UPF2: variants seen among roughly 807,000 people sequenced by gnomAD.
The protein encoded by UPF2 is regulator of nonsense transcripts 2.
In UPF2, 17 loss-of-function variants were observed where a neutral mutation model predicts 141.4. The ratio of observed to expected loss-of-function variants is 0.12; its 90% CI spans 0.08 to 0.18. The LOEUF (loss-of-function observed/expected upper bound fraction) is 0.18. Among genes scored for constraint, UPF2 ranks in the 10% least tolerant of loss-of-function variants. UPF2 has a pLI of 1.00. For synonymous variants in UPF2, 540 were observed against 498.0 expected, an observed-to-expected ratio of 1.08 and a Z score of -1.12; for missense variants, 1,152 against 1,515.9, an observed-to-expected ratio of 0.76 and a Z score of 3.99.
At chr10:11,932,650 G>C (rs1210619514) in intron 19 of UPF2, among the ~76,000 whole-genome samples, 1 of 152,168 alleles carries the variant, frequency 6.6e-6, no homozygotes, top group Admixed American at 6.5e-5. Flanking sequence ...CTTTACTGCA[G>C]AGCTGCTAAG....
rs541967914 is a variant in UPF2, at chr10:11,989,786, C to T, written c.1844+7886G>A. Among the ~76,000 whole-genome samples, 21 of 152,306 alleles carry T rather than the reference C, an allele frequency of 1.4e-4. No individual in the cohort carries two copies. The Middle Eastern group carries it at 0.014, about 99-fold the overall frequency. The stretch of plus-strand genomic sequence containing the variant: ...TCTAGGACTAAGCTGAGTTCACACG[C>T]TTGTCTCCCATGCCACGGCCACCTA... On this transcript the variant is annotated intron_variant, in intron 8 of 21. Coordinates refer to ENST00000357604, the MANE Select transcript of UPF2 (RefSeq NM_015542.4).
chr10:11,982,345 C>G (rs913739042), intron 8 of UPF2, among the ~76,000 whole-genome samples: 3 of 152,132 alleles, frequency 2.0e-5, no homozygotes, highest in African/African-American at 7.2e-5. Context: ...CAGGTATAAA[C>G]TCTACAGCAG....
intron 16 of UPF2, among the ~76,000 whole-genome samples, chr10:11,944,436 G>A (rs982431071): frequency 6.6e-6 from 1 of 152,212 alleles, no homozygotes; most frequent in African/African-American, 2.4e-5. Context: ...AGAGGTTGCA[G>A]TGAGCCAAGG....
chr10:11,947,070 C>A (rs1172507498), intron 16 of UPF2, among the ~76,000 whole-genome samples: 1 of 152,192 alleles, frequency 6.6e-6, no homozygotes, highest in Non-Finnish European at 1.5e-5. Flanking sequence ...GGCATGGTGG[C>A]ACACACCTAA....
At chr10:11,983,166 C>A (rs1833627708) in intron 8 of UPF2, among the ~76,000 whole-genome samples, 1 of 152,108 alleles carries the variant, frequency 6.6e-6, no homozygotes, top group Non-Finnish European at 1.5e-5. Context: ...AGACATTCTT[C>A]CCCATATTAA....
intron 11 of UPF2, among the ~76,000 whole-genome samples, chr10:11,960,245 T>TA (rs1833217884): frequency 6.6e-6 from 1 of 152,108 alleles, no homozygotes; most frequent in Non-Finnish European, 1.5e-5. Context: ...ACTGAATAAT[T>TA]AAGTCATTTT....
chr10:11,947,431 TGTTTTGAA>T lies in UPF2; in HGVS notation c.3174+930_3174+937del, dbSNP rs879766177. ...CTCATTAATATCTAGCCAGTAATTT[TGTTTTGAA>T]GAGTATAAAATCCACTGACTAAAAA... On this transcript the variant is annotated intron_variant, in intron 16 of 21. Transcript: ENST00000357604. Among the ~76,000 whole-genome samples the T allele has an allele frequency of 6.4e-4, 98 of 152,282 alleles. 1 individual carries two copies. Among genetic ancestry groups the T allele is most frequent in the Admixed American group, 5.2e-3 (80 of 15,296 alleles).
At chr10:11,938,522 T>G (rs1832882124) in intron 18 of UPF2, among the ~76,000 whole-genome samples, 1 of 152,158 alleles carries the variant, frequency 6.6e-6, no homozygotes, top group African/African-American at 2.4e-5. Context: ...CCACACTGGA[T>G]ATTATCACTT....
At position 11,931,574 on chromosome 10, in the gene UPF2, CAA is replaced by C; in HGVS notation, c.3688+65_3688+66del. 2 of 1,462,618 alleles carry C rather than the reference CAA, an allele frequency of 1.4e-6. No homozygotes were observed. The highest frequency in any genetic ancestry group is 1.8e-6 in the Non-Finnish European group (2 of 1,102,930). 90.6% of individuals were successfully genotyped at this position (1,462,618 alleles called of 1,614,324 possible). The stretch of plus-strand genomic sequence containing the variant: ...AAAAATATGACATGAGAAGATGAGA[CAA>C]AATAACAATTTTGATGCTCAAAAGG... On this transcript the variant is annotated intron_variant, in intron 20 of 21. Transcript: ENST00000357604. This position sits in a 1 kb window ranked among gnomAD's most constrained non-coding sequence, Gnocchi z 5.9.
chr10:12,029,957 C>CAAAAAAAAAAA (rs113204207), intron 2 of UPF2, among the ~76,000 whole-genome samples: 1 of 71,196 alleles, frequency 1.4e-5, no homozygotes. Flanking sequence ...GACTCCGTCT[C>CAAAAAAAAAAA]AAAAAAAAAA....
intron 16 of UPF2, 128 bp from the exon 17 acceptor site, chr10:11,943,296 T>C (rs1832959637): frequency 1.1e-5 from 9 of 844,848 alleles, no homozygotes; most frequent in African/African-American, 3.4e-5. Flanking sequence ...CTTTAGGTAG[T>C]TGGTTTCCAA....
At chr10:11,934,466 A>G (rs568494033) in intron 19 of UPF2, among the ~76,000 whole-genome samples, 1 of 152,352 alleles carries the variant, frequency 6.6e-6, no homozygotes, top group Non-Finnish European at 1.5e-5. Context: ...GACTGGAGGC[A>G]AGGCCGGACG....
chr10:11,929,787 A>G (rs1832760160), intron 21 of UPF2, 78 bp downstream of exon 21: 3 of 1,539,144 alleles, frequency 1.9e-6, no homozygotes, highest in African/African-American at 1.4e-5. Context: ...GCCAAAAACT[A>G]TAATCCAGAA....
chr10:11,974,490 T>C (rs1050030665), intron 9 of UPF2, among the ~76,000 whole-genome samples: 2 of 152,214 alleles, frequency 1.3e-5, no homozygotes, highest in African/African-American at 4.8e-5. Flanking sequence ...TTTTTGCCCA[T>C]TCAGTATGAT....
intron 9 of UPF2, among the ~76,000 whole-genome samples, chr10:11,968,606 T>G (rs1169747425): frequency 3.3e-5 from 5 of 152,096 alleles, no homozygotes; most frequent in Admixed American, 6.5e-5. Flanking sequence ...CTGTTCTTTT[T>G]TATCACCAGT....
intron 5 of UPF2, among the ~76,000 whole-genome samples, chr10:12,002,436 A>T (rs1458181940): frequency 6.6e-6 from 1 of 152,220 alleles, no homozygotes; most frequent in East Asian, 1.9e-4. Context: ...GATGAGGGGG[A>T]AAAAAGGCTG....
intron 1 of UPF2, among the ~76,000 whole-genome samples, chr10:12,041,918 TC>T (rs1313387288): frequency 1.8e-4 from 28 of 152,100 alleles, no homozygotes; most frequent in African/African-American, 6.3e-4. Flanking sequence ...GAGCTGAAGG[TC>T]CGATCACCCC....
In UPF2 at chr10:11,952,381, CT is replaced by C. The variant is rs531074827; in HGVS notation, c.2851-133del. On this transcript the variant is annotated intron_variant, in intron 14 of 21. Transcript: ENST00000357604. Reference sequence around the variant, plus strand: ...AGGTTATAAAAGACACTTACCATTTCTATTAATGGTCAACAGCAATGATCCT... The same window carrying C: ...AGGTTATAAAAGACACTTACCATTTCATTAATGGTCAACAGCAATGATCCT... 3.2e-3 allele frequency: 2,158 copies of C among 670,094 alleles called. 3 individuals carry two copies. The highest frequency in any genetic ancestry group is 4.4e-3 in the Non-Finnish European group (1,923 of 434,694). 41.5% of individuals were successfully genotyped at this position (670,094 alleles called of 1,614,324 possible).
intron 16 of UPF2, among the ~76,000 whole-genome samples, chr10:11,944,254 T>G (rs891782655): frequency 4.6e-5 from 7 of 152,170 alleles, no homozygotes; most frequent in African/African-American, 1.7e-4. Context: ...CCCAACACTT[T>G]GGAAGGCTGA....
Sources: allele counts gnomAD v4.1 joint callset (sites outside exome capture counted in the v4.1 genomes callset), GRCh38; gene constraint gnomAD v4.1.1; non-coding constraint Gnocchi (gnomAD v3.1); transcripts MANE v1.5; gene names NCBI Gene and HGNC (gene_info 2026-07-23, HGNC 2026-07-21).